The following PARD3 variants were observed in gnomAD, a reference collection of about 807,000 sequenced individuals.
PARD3 encodes the protein partitioning defective 3 homolog.
A neutral mutation model predicts 155.4 loss-of-function variants in PARD3; 75 were observed. The observed-to-expected ratio is 0.48, with a 90% CI of 0.40 to 0.58. The LOEUF (loss-of-function observed/expected upper bound fraction) is 0.58, where lower values mean the gene tolerates loss of function less well. Ranked by LOEUF, PARD3 falls within the 20% of genes least tolerant of loss-of-function variation. The pLI is 0.00. For synonymous variants in PARD3, 576 were observed against 610.5 expected, an observed-to-expected ratio of 0.94 and a Z score of 0.83; for missense variants, 1,642 against 1,721.7, an observed-to-expected ratio of 0.95 and a Z score of 0.82.
At chr10:34,673,156 T>C (rs2093639130) in intron 2 of PARD3, among the ~76,000 whole-genome samples, 2 of 152,174 alleles carry the variant, frequency 1.3e-5, no homozygotes, top group South Asian at 4.1e-4. Flanking sequence ...ACCGGAAGAA[T>C]TAATGCTCAA....
chr10:34,398,255 A>G (rs930234542), intron 7 of PARD3, among the ~76,000 whole-genome samples: 1 of 152,190 alleles, frequency 6.6e-6, no homozygotes. Flanking sequence ...AAGTAACAAG[A>G]AAGTACTACC....
At chr10:34,525,139 G>C (rs1303815841) in intron 2 of PARD3, among the ~76,000 whole-genome samples, 1 of 152,184 alleles carries the variant, frequency 6.6e-6, no homozygotes, top group Non-Finnish European at 1.5e-5. Flanking sequence ...TTGAACCAAT[G>C]ATGTTTTGTA....
intron 22 of PARD3, among the ~76,000 whole-genome samples, chr10:34,152,101 T>G (rs754380150): frequency 1.4e-4 from 21 of 152,126 alleles, no homozygotes; most frequent in Non-Finnish European, 2.2e-4. Flanking sequence ...TGTCTTCTGG[T>G]TGAACCCTTT....
At chr10:34,648,386 G>A (rs986073914) in intron 2 of PARD3, among the ~76,000 whole-genome samples, 1 of 152,144 alleles carries the variant, frequency 6.6e-6, no homozygotes, top group Non-Finnish European at 1.5e-5. Context: ...TGTGCTGCTT[G>A]GAGTCTCTCA....
chr10:34,266,229 T>TAA (rs3039306), intron 22 of PARD3, among the ~76,000 whole-genome samples: 16,354 of 149,020 alleles, frequency 0.11, 2,079 homozygotes, highest in African/African-American at 0.31. Flanking sequence ...TGTCTTTCTA[T>TAA]AAAAAAAAAA....
chr10:34,448,185 G>A (rs1403254301), intron 5 of PARD3, among the ~76,000 whole-genome samples: 1 of 150,964 alleles, frequency 6.6e-6, no homozygotes. Flanking sequence ...GTATAAAATG[G>A]AATATTATTC....
intron 22 of PARD3, among the ~76,000 whole-genome samples, chr10:34,203,263 T>C (rs1951306726): frequency 6.6e-6 from 1 of 152,154 alleles, no homozygotes; most frequent in Non-Finnish European, 1.5e-5. Context: ...CACTGAAGAA[T>C]GAAGGCAAAA....
At chr10:34,450,233 A>G in intron 5 of PARD3, 84 bp downstream of exon 5, 1 of 1,243,646 alleles carries the variant, frequency 8.0e-7, no homozygotes, top group Non-Finnish European at 1.1e-6. Context: ...AATCATCACC[A>G]GTGATTGAGA....
chr10:34,413,155 A>ACACACT (rs1422791366), intron 5 of PARD3, among the ~76,000 whole-genome samples: 1 of 150,622 alleles, frequency 6.6e-6, no homozygotes, highest in African/African-American at 2.4e-5. Flanking sequence ...ACACACACAC[A>ACACACT]CACACACACA....
intron 5 of PARD3, among the ~76,000 whole-genome samples, chr10:34,448,936 T>C (rs1275219674): frequency 1.1e-4 from 16 of 150,488 alleles, no homozygotes; most frequent in South Asian, 2.1e-4. Flanking sequence ...TTTTTTTTTT[T>C]GAGAGAGAGT....
intron 9 of PARD3, among the ~76,000 whole-genome samples, chr10:34,379,297 T>C (rs1196627246): frequency 6.6e-6 from 1 of 152,146 alleles, no homozygotes; most frequent in Non-Finnish European, 1.5e-5. Context: ...AAACACTCCA[T>C]AGTTATTCCT....
At chr10:34,576,306 C>A (rs1023573997) in intron 2 of PARD3, among the ~76,000 whole-genome samples, 9 of 152,176 alleles carry the variant, frequency 5.9e-5, no homozygotes, top group African/African-American at 2.2e-4. Context: ...CTCGCCATCC[C>A]GACCTTCCAG....
chr10:34,536,367 A>C (rs1173469874), intron 2 of PARD3, among the ~76,000 whole-genome samples: 4 of 152,216 alleles, frequency 2.6e-5, no homozygotes, highest in Non-Finnish European at 4.4e-5. Flanking sequence ...CTCCATTAAT[A>C]ATCACCCCAA....
chr10:34,811,134 T>C (rs1844107045), intron 1 of PARD3, among the ~76,000 whole-genome samples: 1 of 152,132 alleles, frequency 6.6e-6, no homozygotes, highest in Non-Finnish European at 1.5e-5. Context: ...TAGAATGAAA[T>C]GCTAAGGAAT....
intron 18 of PARD3, among the ~76,000 whole-genome samples, chr10:34,333,054 C>A (rs1835784469): frequency 6.6e-6 from 1 of 152,138 alleles, no homozygotes; most frequent in South Asian, 2.1e-4. Context: ...TGTCTATCAA[C>A]TTTCATAATT....
intron 1 of PARD3, among the ~76,000 whole-genome samples, chr10:34,792,664 G>GCTGCAC (rs1342218677): frequency 6.6e-6 from 1 of 152,158 alleles, no homozygotes; most frequent in African/African-American, 2.4e-5. Context: ...ACCCGCTGGA[G>GCTGCAC]CTGCACCTGC....
rs145613570 is a variant in PARD3 at position 34,605,500 on chromosome 10, C to G, written c.223-88341G>C. ...GAGCCACTGTGCCCTGCCAAAAATA[C>G]TCTTAAATATATATATATATCTCCT... is the stretch of plus-strand genomic sequence containing the variant. On this transcript the variant is annotated intron_variant, in intron 2 of 24. Transcript: ENST00000374788. Among the ~76,000 whole-genome samples the G allele has an allele frequency of 6.2e-3, 793 of 126,928 alleles. 27 individuals are homozygous for G. The highest frequency in any genetic ancestry group is 0.025 in the African/African-American group (739 of 29,314). 83.3% of individuals were successfully genotyped at this position (126,928 alleles called of 152,430 possible).
chr10:34,410,863 T>C (rs1844975412), intron 5 of PARD3, among the ~76,000 whole-genome samples: 1 of 152,292 alleles, frequency 6.6e-6, no homozygotes, highest in African/African-American at 2.4e-5. Flanking sequence ...AAAAGATTCA[T>C]CAGCTCAGAG....
At position 34,344,152 on chromosome 10, in the gene PARD3, G is replaced by A. The variant is rs539482769; in HGVS notation, c.2219-2336C>T. 9.1e-5 allele frequency: 89 copies of A among 982,984 alleles called. No homozygotes were observed. The South Asian group carries it at 2.3e-3, about 25-fold the overall frequency. 60.9% of individuals were successfully genotyped at this position (982,984 alleles called of 1,614,324 possible). A position where few individuals can be genotyped will look rare whatever the true frequency, so the allele number is the denominator to read the frequency against. On this transcript the variant is annotated intron_variant, in intron 15 of 24. Coordinates refer to ENST00000374788, the MANE Select transcript of PARD3 (RefSeq NM_001184785.2). ...GAAAAATTATTCAGCTAAAAAAGTT[G>A]AGAAATAGTTAAAGTCCCAGGCTTA...
Sources: gnomAD v4.1 joint callset for allele counts (sites outside exome capture counted in the v4.1 genomes callset) on GRCh38, gnomAD v4.1.1 for gene constraint, MANE v1.5 for transcripts, NCBI Gene and HGNC (gene_info 2026-07-23, HGNC 2026-07-21) for gene names.